Variants in ZNF492 observed in about 807,000 individuals in gnomAD.
ZNF492 encodes zinc finger protein 492, also known as zinc finger protein 115 (Y20).
A neutral mutation model predicts 6.4 loss-of-function variants in ZNF492; 3 were observed. The ratio of observed to expected loss-of-function variants is 0.47; its 90% CI spans 0.21 to 1.22. ZNF492 has a LOEUF of 1.22. Among genes scored for constraint, ZNF492 ranks in the 50% most tolerant of loss-of-function variants. The pLI, the probability that ZNF492 is intolerant of heterozygous loss-of-function variation, is 0.22. For synonymous variants in ZNF492, 112 were observed against 205.3 expected, an observed-to-expected ratio of 0.55 and a Z score of 3.89; for missense variants, 356 against 612.5, an observed-to-expected ratio of 0.58 and a Z score of 4.42.
Position 22,665,568 on chromosome 19 carries a change from G to A in ZNF492, c.*303G>A. 1 of 330,426 alleles carries A rather than the reference G, an allele frequency of 3.0e-6. No individual in the cohort carries two copies. The highest frequency in any genetic ancestry group is 4.8e-5 in the South Asian group (1 of 20,750). 20.5% of individuals were successfully genotyped at this position (330,426 alleles called of 1,614,324 possible). A position where few individuals can be genotyped will look rare whatever the true frequency, so the allele number is the denominator to read the frequency against. ...AAATAAGCATTTAAAGTGCTGAAGA[G>A]GATTTATTTTGAAGACAAACATTAC... On this transcript the variant is annotated 3_prime_UTR_variant, in exon 4 of 4. Transcript: ENST00000456783.
At position 22,663,897 on chromosome 19, in the gene ZNF492, T is replaced by G. The variant is rs942400677; in HGVS notation, c.228T>G (p.Cys76Trp). ...VILRRYKKCG[C>W]ENLQLRKYCK... is the part of the protein sequence containing the mutation. ...TGAGAAGATATAAAAAATGTGGATG[T>G]GAAAATTTACAGTTAAGAAAATACT... Residue 76 changes from cysteine (C) to tryptophan (W), a missense_variant, in exon 4 of 4, where the codon TGT (cysteine) becomes TGG (tryptophan). Cys to Trp is a radical substitution (Grantham distance 215). Coordinates refer to ENST00000456783, the MANE Select transcript of ZNF492 (RefSeq NM_020855.3). 5 of 1,592,548 alleles carry G rather than the reference T, an allele frequency of 3.1e-6. No individual in the cohort carries two copies. In the African/African-American group the frequency reaches 4.1e-5, roughly 13 times the overall value.
chr19:22,653,913 A>G lies in ZNF492; in HGVS notation c.35-7A>G. 6.3e-7 allele frequency: 1 copy of G among 1,578,716 alleles called. No individual in the cohort carries two copies. The highest frequency in any genetic ancestry group is 8.5e-7 in the Non-Finnish European group (1 of 1,170,006). ...GAGCAAGATTCATGTTATTTGTAAT[A>G]AAACAGGTATTGCTGCCTCTAAGCC... On this transcript the variant is annotated splice_region_variant and splice_polypyrimidine_tract_variant and intron_variant, in intron 2 of 3. Coordinates refer to ENST00000456783, the MANE Select transcript of ZNF492 (RefSeq NM_020855.3).
At chr19:22,653,243 T>C in intron 1 of ZNF492, 64 bp from the exon 2 acceptor site, 1 of 1,576,852 alleles carries the variant, frequency 6.3e-7, no homozygotes, top group Non-Finnish European at 8.6e-7. Context: ...TTACCTTGAG[T>C]CAAATTAAAA....
intron 3 of ZNF492, among the ~76,000 whole-genome samples, chr19:22,654,271 T>C (rs1421188782): frequency 6.6e-6 from 1 of 152,168 alleles, no homozygotes; most frequent in African/African-American, 2.4e-5. Flanking sequence ...GCCCTCTTCA[T>C]GGCACATAAG....
At position 22,666,755 on chromosome 19, in the gene ZNF492, G is replaced by A. The variant is rs1972133891; in HGVS notation, c.*1490G>A. On this transcript the variant is annotated 3_prime_UTR_variant, in exon 4 of 4. Transcript: ENST00000456783. ...TTTAGTTAAAATTAAAAATAAATTA[G>A]TATATTATTTTACTAATTTTACTTT... 6.6e-6 allele frequency: 1 copy of A among 151,996 alleles called. No homozygotes were observed. Among genetic ancestry groups the A allele is most frequent in the African/African-American group, 2.4e-5 (1 of 41,412 alleles). 9.4% of individuals were successfully genotyped at this position (151,996 alleles called of 1,614,324 possible).
intron 1 of ZNF492, among the ~76,000 whole-genome samples, chr19:22,651,167 G>C (rs995398072): frequency 6.6e-6 from 1 of 151,968 alleles, no homozygotes; most frequent in African/African-American, 2.4e-5. Context: ...CCCCTGCCCC[G>C]TGTGGCTCTC....
At chr19:22,640,420 C>T (rs1971814986) in intron 1 of ZNF492, among the ~76,000 whole-genome samples, 2 of 152,152 alleles carry the variant, frequency 1.3e-5, no homozygotes, top group African/African-American at 4.8e-5. Context: ...CTTTGGCTTC[C>T]CAAAGTGCTG....
Position 22,664,055 on chromosome 19 carries a change from A to G in ZNF492, c.386A>G (p.Asn129Ser), listed in dbSNP as rs1359530982. The G allele has an allele frequency of 1.2e-6, 2 of 1,602,256 alleles. No individual in the cohort carries two copies. The highest frequency in any genetic ancestry group is 8.5e-7 in the Non-Finnish European group (1 of 1,174,232). The change falls in exon 4 of 4, where the codon AAC (asparagine) becomes AGC (serine). Residue 129 changes from asparagine to serine, a missense_variant. Physicochemically the swap from Asn to Ser is conservative, Grantham distance 46 (BLOSUM62 1). Coordinates refer to ENST00000456783, the MANE Select transcript of ZNF492 (RefSeq NM_020855.3). Reference sequence around the variant, plus strand: ...GTCTTTCATAAATTTTCAAATTCAAACAGACATACGATAAGACATACTGGA... The same window carrying G: ...GTCTTTCATAAATTTTCAAATTCAAGCAGACATACGATAAGACATACTGGA... ...VKVFHKFSNS[N>S]RHTIRHTGKK...
intron 1 of ZNF492, among the ~76,000 whole-genome samples, chr19:22,637,051 G>C (rs1305638841): frequency 1.0e-4 from 15 of 149,486 alleles, no homozygotes; most frequent in Admixed American, 6.7e-4. Flanking sequence ...TGCCTCCTGG[G>C]TTCAAGCAAT....
intron 1 of ZNF492, among the ~76,000 whole-genome samples, chr19:22,635,538 C>T (rs1471352405): frequency 6.6e-6 from 1 of 152,168 alleles, no homozygotes; most frequent in Non-Finnish European, 1.5e-5. Context: ...GAGAAGAAAG[C>T]AAGGAATATC....
intron 1 of ZNF492, among the ~76,000 whole-genome samples, chr19:22,634,745 T>C (rs3745120): frequency 0.43 from 66,083 of 152,060 alleles, 19,158 homozygotes; most frequent in African/African-American, 0.84. Flanking sequence ...CGCAGCGTCG[T>C]GTCTCTCCCA....
At chr19:22,641,964 T>G (rs1307468193) in intron 1 of ZNF492, among the ~76,000 whole-genome samples, 2 of 152,028 alleles carry the variant, frequency 1.3e-5, no homozygotes, top group Non-Finnish European at 2.9e-5. Context: ...CGGCTAATTT[T>G]TTGTGTTTTT....
chr19:22,648,065 G>A (rs1392765967), intron 1 of ZNF492, among the ~76,000 whole-genome samples: 6 of 152,054 alleles, frequency 3.9e-5, no homozygotes, highest in African/African-American at 9.7e-5. Context: ...TTAGGGTGTC[G>A]ATTTGAGATT....
chr19:22,662,049 T>A (rs1972064354), intron 3 of ZNF492, among the ~76,000 whole-genome samples: 1 of 152,120 alleles, frequency 6.6e-6, no homozygotes, highest in South Asian at 2.1e-4. Context: ...TACATAGGTA[T>A]ACATGTGCCA....
rs144953517 is a variant in ZNF492, at chr19:22,640,879, C to T, written c.-94+6405C>T. ...TATTTATTCAAGAATTTTTCCATTTCTTCTAGATTTTCAAGTTTGTGTGCA... is the reference window on the plus strand; with the variant it reads ...TATTTATTCAAGAATTTTTCCATTTTTTCTAGATTTTCAAGTTTGTGTGCA... On this transcript the variant is annotated intron_variant, in intron 1 of 3. Coordinates refer to ENST00000456783, the MANE Select transcript of ZNF492 (RefSeq NM_020855.3). Among the ~76,000 whole-genome samples the T allele has an allele frequency of 3.7e-3, 561 of 152,152 alleles. 4 individuals carry two copies. The highest frequency in any genetic ancestry group is 0.013 in the African/African-American group (533 of 41,538).
chr19:22,654,656 C>G (rs908819155), intron 3 of ZNF492, among the ~76,000 whole-genome samples: 7 of 147,920 alleles, frequency 4.7e-5, no homozygotes, highest in Non-Finnish European at 7.4e-5. Context: ...GGCTGGAGTG[C>G]AGTGTCATCA....
intron 1 of ZNF492, among the ~76,000 whole-genome samples, chr19:22,650,069 C>T (rs1971923965): frequency 1.3e-5 from 2 of 152,174 alleles, no homozygotes; most frequent in South Asian, 4.1e-4. Flanking sequence ...TGATTCTCAT[C>T]TTCATGAGTT....
In ZNF492 at chr19:22,634,888, A is replaced by C. The variant is rs943078342; in HGVS notation, c.-94+414A>C. 2.0e-5 allele frequency among the ~76,000 whole-genome samples: 3 copies of C among 152,158 alleles called. No homozygotes were observed. The South Asian group carries it at 6.2e-4, about 32-fold the overall frequency. ...TTTTCTTCTATTAAAAATTTATGGG[A>C]GTTATCGCGAAAATACTTAAAAATT... On this transcript the variant is annotated intron_variant, in intron 1 of 3. Transcript: ENST00000456783.
intron 1 of ZNF492, among the ~76,000 whole-genome samples, chr19:22,647,413 C>T (rs563709256): frequency 9.9e-5 from 15 of 151,038 alleles, no homozygotes; most frequent in Admixed American, 9.9e-4. Flanking sequence ...CCCGCCACTA[C>T]ACCCAGTTAA....
Sources: gnomAD v4.1 joint callset for allele counts (sites outside exome capture counted in the v4.1 genomes callset) on GRCh38, gnomAD v4.1.1 for gene constraint, MANE v1.5 for transcripts, NCBI Gene and HGNC (gene_info 2026-07-23, HGNC 2026-07-21) for gene names.